The following ZFHX3 variants were observed in gnomAD, a reference collection of about 807,000 sequenced individuals.
ZFHX3 encodes zinc finger homeobox 3.
ZFHX3 carries 42 observed loss-of-function variants against 279.1 expected under a neutral mutation model. The ratio of observed to expected loss-of-function variants is 0.15; its 90% confidence interval spans 0.12 to 0.19. The LOEUF (loss-of-function observed/expected upper bound fraction) is 0.19, where lower values mean the gene tolerates loss of function less well. Among genes scored for constraint, ZFHX3 ranks in the 10% least tolerant of loss-of-function variants. ZFHX3 has a pLI of 1.00. For missense variants in ZFHX3, 4,981 were observed against 4,754.0 expected, an observed-to-expected ratio of 1.05 and a Z score of -1.40; for synonymous variants, 2,293 against 1,957.8, an observed-to-expected ratio of 1.17 and a Z score of -4.52.
intron 7 of ZFHX3, among the ~76,000 whole-genome samples, chr16:73,102,795 T>G (rs1833617337): frequency 6.6e-6 from 1 of 152,208 alleles, no homozygotes; most frequent in African/African-American, 2.4e-5. Flanking sequence ...GTAATAATAG[T>G]ACCTCTCTTA....
At chr16:72,853,378 A>C (rs888653795) in intron 4 of ZFHX3, among the ~76,000 whole-genome samples, 1 of 152,250 alleles carries the variant, frequency 6.6e-6, no homozygotes, top group Non-Finnish European at 1.5e-5. Flanking sequence ...ACACCACAAA[A>C]GTACTTTTTA....
chr16:72,931,891 T>C (rs1392538195), intron 3 of ZFHX3, among the ~76,000 whole-genome samples: 1 of 152,220 alleles, frequency 6.6e-6, no homozygotes, highest in African/African-American at 2.4e-5. Context: ...CCTTTTACGA[T>C]ATTCTGTGGT....
chr16:73,314,678 T>G (rs1047841847), intron 4 of ZFHX3, among the ~76,000 whole-genome samples: 1 of 152,140 alleles, frequency 6.6e-6, no homozygotes, highest in African/African-American at 2.4e-5. Context: ...AAGAATGACA[T>G]CCCTGAGCTG....
At chr16:73,832,796 C>T (rs1337135239) in intron 1 of ZFHX3, among the ~76,000 whole-genome samples, 2 of 152,174 alleles carry the variant, frequency 1.3e-5, no homozygotes, top group African/African-American at 4.8e-5. Flanking sequence ...TATATCTACA[C>T]ACACACACAC....
chr16:73,286,824 TCG>T, intron 4 of ZFHX3, among the ~76,000 whole-genome samples: 1 of 137,630 alleles, frequency 7.3e-6, no homozygotes. Context: ...GCTGTGTGGG[TCG>T]GTGTGTGGCT....
At chr16:73,588,225 T>C (rs533645334) in intron 2 of ZFHX3, among the ~76,000 whole-genome samples, 35 of 152,268 alleles carry the variant, frequency 2.3e-4, no homozygotes, top group African/African-American at 8.2e-4. Flanking sequence ...AATGCTGAAC[T>C]ATATTTTAAA....
At chr16:73,467,509 G>A (rs1192080913) in intron 2 of ZFHX3, among the ~76,000 whole-genome samples, 2 of 152,126 alleles carry the variant, frequency 1.3e-5, no homozygotes, top group Non-Finnish European at 2.9e-5. Context: ...GCACCGACAG[G>A]CACAATTTAC....
At chr16:73,136,200 T>G (rs539827888) in intron 6 of ZFHX3, among the ~76,000 whole-genome samples, 1 of 152,252 alleles carries the variant, frequency 6.6e-6, no homozygotes. Flanking sequence ...GAGTATCAAT[T>G]AACTCCTTTC....
chr16:73,537,318 T>C (rs1001712722), intron 2 of ZFHX3, among the ~76,000 whole-genome samples: 9,472 of 115,696 alleles, frequency 0.082, 399 homozygotes, highest in Non-Finnish European at 0.11. Flanking sequence ...CTTCTTCTTT[T>C]TTTTTTTTTT....
intron 4 of ZFHX3, among the ~76,000 whole-genome samples, chr16:73,280,618 T>C (rs1363917417): frequency 1.3e-5 from 2 of 152,006 alleles, no homozygotes; most frequent in Non-Finnish European, 2.9e-5. Flanking sequence ...TTGGTGATGA[T>C]GTGGAAAGAA....
intron 2 of ZFHX3, among the ~76,000 whole-genome samples, chr16:73,673,444 A>C (rs2052923519): frequency 6.6e-6 from 1 of 152,160 alleles, no homozygotes; most frequent in African/African-American, 2.4e-5. Flanking sequence ...CCTTATATTT[A>C]TCCTGCTGTT....
chr16:73,316,584 C>T (rs138595678), intron 4 of ZFHX3, among the ~76,000 whole-genome samples: 4 of 152,260 alleles, frequency 2.6e-5, no homozygotes, highest in Admixed American at 2.6e-4. Flanking sequence ...GTCTTTTCTA[C>T]CAAATAATAT....
At chr16:73,604,802 T>C (rs1454108923) in intron 2 of ZFHX3, among the ~76,000 whole-genome samples, 1 of 151,700 alleles carries the variant, frequency 6.6e-6, no homozygotes, top group East Asian at 1.9e-4. Flanking sequence ...TGCCCCATGC[T>C]AAACAGTGCA....
intron 5 of ZFHX3, among the ~76,000 whole-genome samples, chr16:73,204,200 G>C (rs2011710813): frequency 6.6e-6 from 1 of 151,900 alleles, no homozygotes; most frequent in Non-Finnish European, 1.5e-5. Context: ...GTCGGGGGTA[G>C]GGGGAATGGT....
intron 2 of ZFHX3, among the ~76,000 whole-genome samples, chr16:73,533,785 C>T (rs1183284787): frequency 6.6e-6 from 1 of 152,070 alleles, no homozygotes; most frequent in Non-Finnish European, 1.5e-5. Flanking sequence ...TCTTGAACTC[C>T]CTCTCTTTTA....
intron 3 of ZFHX3, among the ~76,000 whole-genome samples, chr16:72,895,586 C>T (rs2038879526): frequency 6.6e-6 from 1 of 152,196 alleles, no homozygotes; most frequent in African/African-American, 2.4e-5. Flanking sequence ...CACTGGGAGG[C>T]CAAGGAAGGA....
intron 4 of ZFHX3, among the ~76,000 whole-genome samples, chr16:73,280,194 C>T (rs1292558354): frequency 6.6e-6 from 1 of 152,036 alleles, no homozygotes; most frequent in Non-Finnish European, 1.5e-5. Flanking sequence ...GGGAAAAGAT[C>T]CTTGATATTG....
At chr16:73,203,388 T>C (rs1001896697) in intron 5 of ZFHX3, among the ~76,000 whole-genome samples, 4 of 152,360 alleles carry the variant, frequency 2.6e-5, no homozygotes, top group South Asian at 2.1e-4. Context: ...ACAGACATTA[T>C]TTTTTAAAAT....
chr16:73,434,808 G>C (rs2143523131), intron 3 of ZFHX3, among the ~76,000 whole-genome samples: 1 of 152,244 alleles, frequency 6.6e-6, no homozygotes, highest in East Asian at 1.9e-4. Context: ...AAGTGGGTCT[G>C]ACTGAGGTAC....
Sources: allele counts gnomAD v4.1 joint callset (sites outside exome capture counted in the v4.1 genomes callset), GRCh38; gene constraint gnomAD v4.1.1; transcripts MANE v1.5; gene names NCBI Gene and HGNC (gene_info 2026-07-23, HGNC 2026-07-21).